EBF1: variants seen among roughly 807,000 people sequenced by gnomAD.
EBF1 encodes EBF transcription factor 1, also known as transcription factor COE1.
In EBF1, 10 loss-of-function variants were observed where a neutral mutation model predicts 68.4. The observed-to-expected ratio is 0.15, with a 90% confidence interval of 0.09 to 0.25. EBF1 has a LOEUF of 0.25. EBF1 is among the 10% of genes least tolerant of loss of function. The pLI is 1.00. For missense variants in EBF1, 509 were observed against 794.4 expected (o/e 0.64, Z 4.32); for synonymous variants, 298 against 299.8 (o/e 0.99, Z 0.06).
intron 6 of EBF1, among the ~76,000 whole-genome samples, chr5:158,909,246 T>G (rs1349565576): frequency 6.6e-6 from 1 of 152,174 alleles, no homozygotes. Context: ...CAACATATAC[T>G]CAGGTTAGGA....
intron 6 of EBF1, chr5:158,983,317 T>C (rs1294422945): frequency 1.3e-5 from 2 of 152,142 alleles, no homozygotes; most frequent in Non-Finnish European, 2.9e-5. Context: ...TTTGAAGAGG[T>C]ATATTCACTT....
intron 6 of EBF1, among the ~76,000 whole-genome samples, chr5:158,889,035 AGG>A (rs1800626610): frequency 6.6e-6 from 1 of 152,160 alleles, no homozygotes; most frequent in Non-Finnish European, 1.5e-5. Flanking sequence ...TGATTACTTT[AGG>A]GTTTTTTCCC....
chr5:158,917,131 CAAT>C (rs1562294182), intron 6 of EBF1, among the ~76,000 whole-genome samples: 3 of 152,154 alleles, frequency 2.0e-5, no homozygotes, highest in African/African-American at 7.2e-5. Context: ...CTTTGACACT[CAAT>C]AAAAGAAACA....
At chr5:159,046,833 T>C (rs1772505474) in intron 6 of EBF1, among the ~76,000 whole-genome samples, 1 of 152,206 alleles carries the variant, frequency 6.6e-6, no homozygotes, top group African/African-American at 2.4e-5. Context: ...CCAATTTCTA[T>C]GGTGTAAATA....
intron 10 of EBF1, among the ~76,000 whole-genome samples, chr5:158,735,997 A>G (rs1326226878): frequency 2.0e-5 from 3 of 152,236 alleles, no homozygotes; most frequent in African/African-American, 4.8e-5. Flanking sequence ...ATGCACTCAT[A>G]CTAATCACAA....
At chr5:158,853,780 A>G (rs933502182) in intron 6 of EBF1, among the ~76,000 whole-genome samples, 5 of 152,220 alleles carry the variant, frequency 3.3e-5, no homozygotes, top group Admixed American at 6.5e-5. Context: ...TCACATACAC[A>G]TACATTTATG....
chr5:158,955,118 T>A (rs910435869), intron 6 of EBF1, among the ~76,000 whole-genome samples: 3 of 150,046 alleles, frequency 2.0e-5, no homozygotes, highest in Non-Finnish European at 3.0e-5. Flanking sequence ...AGGTCAGGAG[T>A]TCAAGACCAG....
intron 10 of EBF1, among the ~76,000 whole-genome samples, chr5:158,736,399 C>G (rs1157896206): frequency 6.6e-6 from 1 of 152,144 alleles, no homozygotes; most frequent in East Asian, 1.9e-4. Context: ...TTTTATAGCT[C>G]AGCGACTCAC....
intron 6 of EBF1, among the ~76,000 whole-genome samples, chr5:158,866,865 A>ATATATATATATATATATGTATATG (rs1796005241): frequency 1.7e-5 from 1 of 58,136 alleles, no homozygotes; most frequent in African/African-American, 5.7e-5. Flanking sequence ...ATATATATAT[A>ATATATATATATATATATGTATATG]TATATATATA....
At chr5:158,867,442 T>A (rs184545919) in intron 6 of EBF1, among the ~76,000 whole-genome samples, 1 of 152,324 alleles carries the variant, frequency 6.6e-6, no homozygotes, top group African/African-American at 2.4e-5. Flanking sequence ...GATACAGTGT[T>A]TCTTTAACTG....
At chr5:159,021,921 T>C (rs1766761005) in intron 6 of EBF1, among the ~76,000 whole-genome samples, 2 of 152,068 alleles carry the variant, frequency 1.3e-5, no homozygotes, top group South Asian at 2.1e-4. Flanking sequence ...ATACTGATAT[T>C]GGGGCACAGC....
At chr5:159,078,447 A>T (rs1258425592) in intron 5 of EBF1, among the ~76,000 whole-genome samples, 5 of 152,208 alleles carry the variant, frequency 3.3e-5, no homozygotes, top group Non-Finnish European at 7.4e-5. Context: ...TAATAAAAGA[A>T]ATCACAATGA....
intron 7 of EBF1, among the ~76,000 whole-genome samples, chr5:158,826,753 C>T (rs564146638): frequency 1.3e-5 from 2 of 152,008 alleles, no homozygotes; most frequent in African/African-American, 2.4e-5. Flanking sequence ...TATAAGAGAA[C>T]GAGAAGGGCA....
chr5:158,857,817 C>T (rs1299019951), intron 6 of EBF1, among the ~76,000 whole-genome samples: 2 of 152,170 alleles, frequency 1.3e-5, no homozygotes, highest in Non-Finnish European at 2.9e-5. Context: ...TGACAAGCCT[C>T]TCTAGAATTA....
intron 6 of EBF1, among the ~76,000 whole-genome samples, chr5:158,973,892 C>T (rs1416493702): frequency 6.6e-6 from 1 of 152,176 alleles, no homozygotes; most frequent in South Asian, 2.1e-4. Context: ...ACCACCTCTC[C>T]CCACCTGGGC....
At chr5:158,839,370 GT>G (rs1285185752) in intron 7 of EBF1, among the ~76,000 whole-genome samples, 3 of 151,816 alleles carry the variant, frequency 2.0e-5, no homozygotes, top group Non-Finnish European at 4.4e-5. Flanking sequence ...ACTGTTTTTT[GT>G]TTGTTTGTTT....
At chr5:158,902,905 G>A (rs1448194674) in intron 6 of EBF1, among the ~76,000 whole-genome samples, 1 of 152,234 alleles carries the variant, frequency 6.6e-6, no homozygotes. Flanking sequence ...TGCGGTTAGA[G>A]ACTTTGCTGG....
At chr5:158,977,564 A>T (rs979753221) in intron 6 of EBF1, among the ~76,000 whole-genome samples, 1 of 152,210 alleles carries the variant, frequency 6.6e-6, no homozygotes, top group African/African-American at 2.4e-5. Flanking sequence ...ACAGGAAGAA[A>T]ATTTAGCATC....
intron 6 of EBF1, among the ~76,000 whole-genome samples, chr5:158,974,838 T>C (rs1756401428): frequency 6.6e-6 from 1 of 152,216 alleles, no homozygotes; most frequent in Non-Finnish European, 1.5e-5. Flanking sequence ...CTAAAAACGT[T>C]GCTGGGGACA....
Sources: allele counts gnomAD v4.1 joint callset (sites outside exome capture counted in the v4.1 genomes callset), GRCh38; gene constraint gnomAD v4.1.1; transcripts MANE v1.5; gene names NCBI Gene and HGNC (gene_info 2026-07-23, HGNC 2026-07-21).